LRRTM4: variants seen among roughly 807,000 people sequenced by gnomAD.
LRRTM4 encodes leucine rich repeat transmembrane neuronal 4, also known as leucine-rich repeat transmembrane neuronal protein 4.
In LRRTM4, 25 loss-of-function variants were observed where a neutral mutation model predicts 47.6. The observed-to-expected ratio is 0.53, with a 90% CI of 0.38 to 0.73. The LOEUF (loss-of-function observed/expected upper bound fraction) is 0.73, where lower values mean the gene tolerates loss of function less well. LRRTM4 is among the 30% of genes least tolerant of loss of function. The pLI is 0.00. For synonymous variants in LRRTM4, 311 were observed against 269.5 expected (o/e 1.15, Z -1.51); for missense variants, 638 against 713.4 (o/e 0.89, Z 1.20).
At chr2:76,866,047 G>A (rs1672456391) in intron 3 of LRRTM4, among the ~76,000 whole-genome samples, 5 of 151,820 alleles carry the variant, frequency 3.3e-5, no homozygotes, top group South Asian at 4.2e-4. Flanking sequence ...GAGCAAGTGG[G>A]GATGGGCCTA....
intron 3 of LRRTM4, among the ~76,000 whole-genome samples, chr2:76,774,265 A>C (rs1364993414): frequency 6.6e-6 from 1 of 151,816 alleles, no homozygotes; most frequent in Non-Finnish European, 1.5e-5. Flanking sequence ...GCTCACTGCA[A>C]CTTCCAACTT....
At position 77,005,625 on chromosome 2, in the gene LRRTM4, G is replaced by A. The variant is rs1287818420; in HGVS notation, c.1552-256709C>T. Among the ~76,000 whole-genome samples the A allele has an allele frequency of 3.9e-5, 6 of 152,180 alleles. No individual in the cohort carries two copies. The East Asian group carries it at 1.2e-3, about 29-fold the overall frequency. On this transcript the variant is annotated intron_variant, in intron 3 of 3. Coordinates refer to ENST00000409884, the MANE Select transcript of LRRTM4 (RefSeq NM_001134745.3). The stretch of plus-strand genomic sequence containing the variant: ...CAGATTTTTCTTGTGCTTTTGTCAT[G>A]ATAATGAATCTGTCTCATAAGAGCT...
intron 3 of LRRTM4, among the ~76,000 whole-genome samples, chr2:77,142,633 TATA>T (rs1241660292): frequency 6.6e-6 from 1 of 152,146 alleles, no homozygotes; most frequent in Non-Finnish European, 1.5e-5. Context: ...TCAGTATTAA[TATA>T]ATAACAAGAC....
chr2:76,917,035 C>G (rs1314202517), intron 3 of LRRTM4, among the ~76,000 whole-genome samples: 1 of 152,106 alleles, frequency 6.6e-6, no homozygotes, highest in Non-Finnish European at 1.5e-5. Flanking sequence ...TTTGTAGGTG[C>G]CCTTTGTTAA....
intron 3 of LRRTM4, among the ~76,000 whole-genome samples, chr2:77,135,177 G>A (rs558966317): frequency 8.5e-5 from 13 of 152,090 alleles, no homozygotes; most frequent in Admixed American, 4.6e-4. Context: ...CAGTTCCTTC[G>A]CAGGAAATGG....
chr2:76,853,168 G>C (rs777939477), intron 3 of LRRTM4, among the ~76,000 whole-genome samples: 7 of 151,958 alleles, frequency 4.6e-5, no homozygotes, highest in Middle Eastern at 3.2e-3. Flanking sequence ...ATCACATTTG[G>C]TGTTAGATAG....
At chr2:77,373,618 G>T (rs545593783) in intron 3 of LRRTM4, among the ~76,000 whole-genome samples, 95 of 151,624 alleles carry the variant, frequency 6.3e-4, no homozygotes, top group African/African-American at 2.2e-3. Flanking sequence ...TATAAACATG[G>T]GATATCAAAA....
intron 3 of LRRTM4, among the ~76,000 whole-genome samples, chr2:76,983,049 C>G (rs894322327): frequency 6.7e-6 from 1 of 148,710 alleles, no homozygotes; most frequent in Non-Finnish European, 1.5e-5. Context: ...AATACTCTCA[C>G]TATAAATATT....
intron 3 of LRRTM4, among the ~76,000 whole-genome samples, chr2:76,823,388 T>C (rs1489620922): frequency 6.6e-6 from 1 of 151,414 alleles, no homozygotes; most frequent in Non-Finnish European, 1.5e-5. Flanking sequence ...GAGACAAACC[T>C]TTGTTACTCA....
At chr2:77,436,327 G>A (rs886419604) in intron 3 of LRRTM4, among the ~76,000 whole-genome samples, 1 of 152,004 alleles carries the variant, frequency 6.6e-6, no homozygotes, top group Non-Finnish European at 1.5e-5. Flanking sequence ...AGCTAATGAT[G>A]GCTAGAATCC....
rs557638477 is a variant in LRRTM4 at position 77,395,096 on chromosome 2, AC to A, written c.1551+123221del. Among the ~76,000 whole-genome samples, 432 of 151,972 alleles carry A rather than the reference AC, an allele frequency of 2.8e-3. 2 individuals carry two copies. The highest frequency in any genetic ancestry group is 0.01 in the African/African-American group (417 of 41,492). On this transcript the variant is annotated intron_variant, in intron 3 of 3. Coordinates refer to ENST00000409884, the MANE Select transcript of LRRTM4 (RefSeq NM_001134745.3). ...TGGCATGGCCTTTGGTCTTGTTTAT[AC>A]TTTGGCATCTTACTGGGCCACAAAG...
intron 3 of LRRTM4, among the ~76,000 whole-genome samples, chr2:77,211,261 G>A (rs1389430135): frequency 6.6e-6 from 1 of 152,150 alleles, no homozygotes; most frequent in African/African-American, 2.4e-5. Flanking sequence ...TGGAGGAGCT[G>A]GAAGGACAGA....
intron 3 of LRRTM4, among the ~76,000 whole-genome samples, chr2:77,265,823 A>G (rs1676034990): frequency 6.6e-6 from 1 of 152,204 alleles, no homozygotes; most frequent in South Asian, 2.1e-4. Context: ...ATAATAAACT[A>G]TGTTATATTA....
At chr2:77,100,172 C>G (rs1670915688) in intron 3 of LRRTM4, among the ~76,000 whole-genome samples, 1 of 151,920 alleles carries the variant, frequency 6.6e-6, no homozygotes, top group Admixed American at 6.6e-5. Context: ...ATGTTGACTG[C>G]GATAGAAGAG....
chr2:76,901,071 T>G (rs1483758873), intron 3 of LRRTM4, among the ~76,000 whole-genome samples: 1 of 152,112 alleles, frequency 6.6e-6, no homozygotes, highest in Non-Finnish European at 1.5e-5. Context: ...AGTTCCAGAG[T>G]ACATGTGCAG....
intron 3 of LRRTM4, among the ~76,000 whole-genome samples, chr2:76,894,748 G>A (rs899913266): frequency 6.6e-6 from 1 of 151,588 alleles, no homozygotes; most frequent in Non-Finnish European, 1.5e-5. Context: ...TTGTAAATTT[G>A]CTCACCGAAT....
rs115045146 is a variant in LRRTM4, at chr2:77,289,634, G to A, written c.1551+228684C>T. Reference sequence around the variant, plus strand: ...TTGGAGTGCAAGTTAGGTTACTACCGACAATTTGGACTCCAGGCTTCTGCT... The same window carrying A: ...TTGGAGTGCAAGTTAGGTTACTACCAACAATTTGGACTCCAGGCTTCTGCT... On this transcript the variant is annotated intron_variant, in intron 3 of 3. Transcript: ENST00000409884. Among the ~76,000 whole-genome samples the A allele has an allele frequency of 8.9e-3, 1,352 of 151,990 alleles. 23 individuals are homozygous for A. The highest frequency in any genetic ancestry group is 0.029 in the African/African-American group (1,214 of 41,458).
chr2:76,947,972 T>C (rs1558756416), intron 3 of LRRTM4, among the ~76,000 whole-genome samples: 1 of 151,890 alleles, frequency 6.6e-6, no homozygotes, highest in Non-Finnish European at 1.5e-5. Flanking sequence ...CTGAAGCATC[T>C]TTCTTAATTG....
intron 3 of LRRTM4, among the ~76,000 whole-genome samples, chr2:77,286,775 C>A (rs1676675055): frequency 6.6e-6 from 1 of 151,986 alleles, no homozygotes; most frequent in Non-Finnish European, 1.5e-5. Flanking sequence ...AAAAATCTAG[C>A]TATTGTCATG....
Sources: allele counts gnomAD v4.1 joint callset (sites outside exome capture counted in the v4.1 genomes callset), GRCh38; gene constraint gnomAD v4.1.1; transcripts MANE v1.5; gene names NCBI Gene and HGNC (gene_info 2026-07-23, HGNC 2026-07-21).